ARHGAP26: variants seen among roughly 807,000 people sequenced by gnomAD.
ARHGAP26 encodes the protein Rho GTPase activating protein 26.
ARHGAP26 carries 38 observed loss-of-function variants against 104.8 expected under a neutral mutation model. That is an observed-to-expected ratio of 0.36 (90% CI 0.28 to 0.48). The LOEUF (loss-of-function observed/expected upper bound fraction) is 0.48, where lower values mean the gene tolerates loss of function less well. Among genes scored for constraint, ARHGAP26 ranks in the 20% least tolerant of loss-of-function variants. The pLI is 0.99. For missense variants in ARHGAP26, 704 were observed against 947.9 expected, an observed-to-expected ratio of 0.74 and a Z score of 3.38; for synonymous variants, 341 against 340.0, an observed-to-expected ratio of 1.00 and a Z score of -0.03.
At chr5:142,897,850 C>T (rs1759695347) in intron 6 of ARHGAP26, among the ~76,000 whole-genome samples, 2 of 152,106 alleles carry the variant, frequency 1.3e-5, no homozygotes. Context: ...CTGGAAGGGT[C>T]TGACTTTTCA....
At chr5:142,844,214 C>T (rs1476235447) in intron 1 of ARHGAP26, among the ~76,000 whole-genome samples, 1 of 151,874 alleles carries the variant, frequency 6.6e-6, no homozygotes, top group Non-Finnish European at 1.5e-5. Context: ...CCACACCTGG[C>T]TGATTTTTGT....
At chr5:143,009,759 T>G (rs1242709263) in intron 11 of ARHGAP26, among the ~76,000 whole-genome samples, 2 of 152,218 alleles carry the variant, frequency 1.3e-5, no homozygotes, top group Non-Finnish European at 2.9e-5. Context: ...GAAACTAGAC[T>G]ATACCTACAT....
rs1262754470 is a variant in ARHGAP26, at chr5:142,869,208, C to CT, written c.155-4176dup. ...TCTTTTCTTTTTCTTTTTCTTTTTT[C>CT]TTTTTTTTTTTTTTTTGAGACAGCG... On this transcript the variant is annotated intron_variant, in intron 1 of 22. Transcript: ENST00000645722. 7.6e-3 allele frequency among the ~76,000 whole-genome samples: 1,038 copies of CT among 137,158 alleles called. 7 individuals carry two copies. The highest frequency in any genetic ancestry group is 0.013 in the African/African-American group (474 of 37,470). 90.0% of individuals were successfully genotyped at this position (137,158 alleles called of 152,430 possible).
At chr5:142,796,802 A>G (rs951034801) in intron 1 of ARHGAP26, among the ~76,000 whole-genome samples, 1 of 152,192 alleles carries the variant, frequency 6.6e-6, no homozygotes, top group Non-Finnish European at 1.5e-5. Context: ...AGTCCACTGA[A>G]TATTTCTGTT....
intron 5 of ARHGAP26, among the ~76,000 whole-genome samples, chr5:142,890,008 G>A (rs1264580725): frequency 6.7e-6 from 1 of 150,284 alleles, no homozygotes; most frequent in Non-Finnish European, 1.5e-5. Flanking sequence ...GGTGGTGCAT[G>A]CCTGTAATCC....
Position 143,037,211 on chromosome 5 carries a change from G to A in ARHGAP26, c.1160G>A (p.Ser387Asn), listed in dbSNP as rs541692751. ...GCTCTTTCAGCTGCGCAGTTGGACA[G>A]CATTGGCTTCAGCATAATCAGGAAA... ...SQSEGTAQLD[S>N]IGFSIIRKCI... Residue 387 changes from serine (S) to asparagine (N), a missense_variant, in exon 13 of 23, where the codon AGC (serine) becomes AAC (asparagine). Ser to Asn is a conservative substitution (Grantham distance 46). This residue lies in a region of ARHGAP26 where 287 missense variants were observed against 438.8 expected (regional missense o/e 0.65). Coordinates refer to ENST00000645722, the MANE Select transcript of ARHGAP26 (RefSeq NM_001135608.3). 9 of 1,603,832 alleles carry A rather than the reference G, an allele frequency of 5.6e-6. No individual in the cohort carries two copies. In the South Asian group the frequency reaches 8.9e-5, roughly 16 times the overall value.
chr5:142,957,537 T>C (rs1379675051), intron 11 of ARHGAP26, among the ~76,000 whole-genome samples: 1 of 152,238 alleles, frequency 6.6e-6, no homozygotes, highest in Non-Finnish European at 1.5e-5. Context: ...CCTTCCTTCC[T>C]ATACACTACA....
At chr5:143,187,136 A>G (rs1477250224) in intron 20 of ARHGAP26, among the ~76,000 whole-genome samples, 1 of 152,192 alleles carries the variant, frequency 6.6e-6, no homozygotes, top group Non-Finnish European at 1.5e-5. Context: ...ATTATTAATG[A>G]TCCCCATTTT....
At chr5:143,058,844 G>T (rs1237872180) in intron 17 of ARHGAP26, among the ~76,000 whole-genome samples, 1 of 152,202 alleles carries the variant, frequency 6.6e-6, no homozygotes, top group Non-Finnish European at 1.5e-5. Flanking sequence ...GTGTTATTGG[G>T]AAGGAATTCG....
At chr5:142,969,752 C>T (rs368786518) in intron 11 of ARHGAP26, among the ~76,000 whole-genome samples, 40 of 152,210 alleles carry the variant, frequency 2.6e-4, no homozygotes, top group African/African-American at 9.1e-4. Flanking sequence ...GAGAAGTGCA[C>T]ATGGGTGGTC....
chr5:142,935,942 A>C (rs955305390), intron 11 of ARHGAP26, among the ~76,000 whole-genome samples: 3 of 152,172 alleles, frequency 2.0e-5, no homozygotes, highest in Non-Finnish European at 2.9e-5. Context: ...ACTAGGAACA[A>C]GTTGAGGGTG....
At chr5:142,849,308 C>G (rs1348804609) in intron 1 of ARHGAP26, among the ~76,000 whole-genome samples, 1 of 152,160 alleles carries the variant, frequency 6.6e-6, no homozygotes, top group African/African-American at 2.4e-5. Context: ...CCAAAAAGAC[C>G]CAAGACTTCA....
chr5:143,197,510 A>AT lies in ARHGAP26; in HGVS notation c.1989-9684dup, dbSNP rs1807056462. ...AAAGGTTGAGTGCCTTTTCTTTTGGATTTTCTCTTTTAACATCCCTATTCA... is the reference window on the plus strand; with the variant it reads ...AAAGGTTGAGTGCCTTTTCTTTTGGATTTTTCTCTTTTAACATCCCTATTCA... On this transcript the variant is annotated intron_variant, in intron 20 of 22. Transcript: ENST00000645722. 7.9e-5 allele frequency among the ~76,000 whole-genome samples: 12 copies of AT among 151,742 alleles called. No homozygotes were observed. The South Asian group carries it at 2.5e-3, about 32-fold the overall frequency.
chr5:142,943,303 C>T (rs1412723085), intron 11 of ARHGAP26, among the ~76,000 whole-genome samples: 1 of 152,180 alleles, frequency 6.6e-6, no homozygotes, highest in African/African-American at 2.4e-5. Flanking sequence ...AGGCTGCTAT[C>T]ACAAAATACT....
intron 21 of ARHGAP26, among the ~76,000 whole-genome samples, chr5:143,212,451 T>G (rs746493800): frequency 5.3e-5 from 8 of 152,192 alleles, no homozygotes; most frequent in Non-Finnish European, 1.2e-4. Flanking sequence ...TCGGTTTCTT[T>G]GGCTCACAGG....
At chr5:143,185,391 C>A (rs1478141915) in intron 20 of ARHGAP26, among the ~76,000 whole-genome samples, 1 of 152,118 alleles carries the variant, frequency 6.6e-6, no homozygotes, top group Non-Finnish European at 1.5e-5. Flanking sequence ...CTAGAAACAA[C>A]AAAGTTTCTT....
chr5:143,072,549 A>G (rs954364610), intron 17 of ARHGAP26, among the ~76,000 whole-genome samples: 1 of 152,242 alleles, frequency 6.6e-6, no homozygotes, highest in Non-Finnish European at 1.5e-5. Flanking sequence ...ATGTGTATAT[A>G]CACAATGGAA....
intron 8 of ARHGAP26, among the ~76,000 whole-genome samples, chr5:142,905,481 C>T (rs541046100): frequency 9.2e-5 from 14 of 152,194 alleles, no homozygotes; most frequent in African/African-American, 3.1e-4. Flanking sequence ...TAAGGAACAA[C>T]CATAAACCCT....
chr5:142,835,300 A>G (rs111752655), intron 1 of ARHGAP26, among the ~76,000 whole-genome samples: 2,089 of 152,286 alleles, frequency 0.014, 30 homozygotes, highest in Middle Eastern at 0.031. Flanking sequence ...CCCATCAGAG[A>G]TAGAATTTAT....
Sources: allele counts gnomAD v4.1 joint callset (sites outside exome capture counted in the v4.1 genomes callset), GRCh38; gene constraint gnomAD v4.1.1; regional missense constraint gnomAD v4.1.1; transcripts MANE v1.5; gene names NCBI Gene and HGNC (gene_info 2026-07-23, HGNC 2026-07-21).